PDSS1: variants seen among roughly 807,000 people sequenced by gnomAD.
PDSS1 encodes the protein all trans-polyprenyl-diphosphate synthase PDSS1.
A neutral mutation model predicts 57.5 loss-of-function variants in PDSS1; 43 were observed. The observed-to-expected ratio is 0.75, with a 90% CI of 0.59 to 0.96. PDSS1 has a LOEUF of 0.96. Ranked by LOEUF, PDSS1 falls within the 50% of genes least tolerant of loss-of-function variation. The pLI, the probability that PDSS1 is intolerant of heterozygous loss-of-function variation, is 0.00. For synonymous variants in PDSS1, 175 were observed against 191.3 expected, an observed-to-expected ratio of 0.91 and a Z score of 0.70; for missense variants, 438 against 527.8, an observed-to-expected ratio of 0.83 and a Z score of 1.67.
At chr10:26,721,411 G>A (rs76142099) in intron 6 of PDSS1, among the ~76,000 whole-genome samples, 8,190 of 105,538 alleles carry the variant, frequency 0.078, 340 homozygotes, top group East Asian at 0.24. Flanking sequence ...ATTAAAAGAA[G>A]AGATATATGT....
Position 26,746,525 on chromosome 10 carries a change from AT to A in PDSS1, c.*56del, listed in dbSNP as rs1836926223. On this transcript the variant is annotated 3_prime_UTR_variant, in exon 12 of 12. Coordinates refer to ENST00000376215, the MANE Select transcript of PDSS1 (RefSeq NM_014317.5). ...TATCTTACCAGACTGTGCCTAAAGA[AT>A]TTTGTGGAATACACTTTGTTTGCTT... 6.3e-7 allele frequency: 1 copy of A among 1,584,010 alleles called. No homozygotes were observed. The highest frequency in any genetic ancestry group is 1.3e-5 in the African/African-American group (1 of 74,322).
chr10:26,741,460 T>C (rs1836603008), intron 10 of PDSS1, among the ~76,000 whole-genome samples: 1 of 151,636 alleles, frequency 6.6e-6, no homozygotes, highest in Non-Finnish European at 1.5e-5. Flanking sequence ...CACTCCAGCC[T>C]GTGTGATGGA....
Position 26,724,436 on chromosome 10 carries a change from C to G in PDSS1, c.831+313C>G, listed in dbSNP as rs572742489. Reference sequence around the variant, plus strand: ...TTTTGAACAATTTATCATAATTTCTCTAATGATTGATATCACACACACTCT... The same window carrying G: ...TTTTGAACAATTTATCATAATTTCTGTAATGATTGATATCACACACACTCT... On this transcript the variant is annotated intron_variant, in intron 8 of 11. Transcript: ENST00000376215. 1.3e-3 allele frequency among the ~76,000 whole-genome samples: 193 copies of G among 152,186 alleles called. 1 individual carries two copies. Among genetic ancestry groups the G allele is most frequent in the Non-Finnish European group, 2.6e-3 (174 of 68,000 alleles).
At chr10:26,720,112 A>G (rs575056275) in intron 5 of PDSS1, 106 bp from the exon 6 acceptor site, 2 of 1,523,228 alleles carry the variant, frequency 1.3e-6, no homozygotes, top group South Asian at 2.3e-5. Context: ...TTTCTCTTAG[A>G]GAAATAACAT....
chr10:26,726,599 A>G (rs1835955174), intron 8 of PDSS1, among the ~76,000 whole-genome samples: 1 of 152,176 alleles, frequency 6.6e-6, no homozygotes, highest in Non-Finnish European at 1.5e-5. Context: ...ACAGAAGAAG[A>G]ACTAATGGGA....
chr10:26,725,613 AATCCTTTACATATT>A (rs1223382321), intron 8 of PDSS1, among the ~76,000 whole-genome samples: 2 of 152,174 alleles, frequency 1.3e-5, no homozygotes, highest in African/African-American at 4.8e-5. Context: ...CTTTTACAGT[AATCCTTTACATATT>A]ATCATGCCCT....
chr10:26,722,471 G>A (rs569630575), intron 6 of PDSS1, among the ~76,000 whole-genome samples: 5 of 152,212 alleles, frequency 3.3e-5, no homozygotes, highest in East Asian at 1.9e-4. Flanking sequence ...TTGGGAGGCC[G>A]AGGCAGTTGG....
Position 26,746,513 on chromosome 10 carries a change from T to C in PDSS1, c.*40T>C, listed in dbSNP as rs201474044. ...CTTTCTGGCAGCTATCTTACCAGAC[T>C]GTGCCTAAAGAATTTTGTGGAATAC... On this transcript the variant is annotated 3_prime_UTR_variant, in exon 12 of 12. Coordinates refer to ENST00000376215, the MANE Select transcript of PDSS1 (RefSeq NM_014317.5). 11 of 1,607,044 alleles carry C rather than the reference T, an allele frequency of 6.8e-6. No homozygotes were observed. The highest frequency in any genetic ancestry group is 3.3e-5 in the Admixed American group (2 of 60,020).
At position 26,742,482 on chromosome 10, in the gene PDSS1, C is replaced by A; in HGVS notation, c.1027-15C>A. On this transcript the variant is annotated splice_polypyrimidine_tract_variant and intron_variant, in intron 10 of 11. Coordinates refer to ENST00000376215, the MANE Select transcript of PDSS1 (RefSeq NM_014317.5). The stretch of plus-strand genomic sequence containing the variant: ...ATAAATAGATTTTCTCAGATTTTCT[C>A]TCTTTTTTTGTTAGTTCCCAGAAAT... 2 of 1,588,326 alleles carry A rather than the reference C, an allele frequency of 1.3e-6. No individual in the cohort carries two copies. Among genetic ancestry groups the A allele is most frequent in the Non-Finnish European group, 1.7e-6 (2 of 1,158,080 alleles).
In PDSS1 at chr10:26,746,792, A is replaced by C; in HGVS notation, c.*319A>C. ...ACACAAATAAATAACCAATGTTAAAATTCAAATGGTTTGTCTTGATTTACC... is the reference window on the plus strand; with the variant it reads ...ACACAAATAAATAACCAATGTTAAACTTCAAATGGTTTGTCTTGATTTACC... On this transcript the variant is annotated 3_prime_UTR_variant, in exon 12 of 12. Transcript: ENST00000376215. 2.5e-6 allele frequency: 1 copy of C among 406,894 alleles called. No individual in the cohort carries two copies. The highest frequency in any genetic ancestry group is 4.6e-6 in the Non-Finnish European group (1 of 217,822). The allele number at this position is 406,894 out of a possible 1,614,324, so 25.2% of individuals were successfully genotyped here.
At chr10:26,700,594 A>C (rs538278263) in intron 1 of PDSS1, among the ~76,000 whole-genome samples, 6 of 152,170 alleles carry the variant, frequency 3.9e-5, no homozygotes, top group African/African-American at 1.4e-4. Flanking sequence ...AGTTCTCACA[A>C]GATCTGCTGG....
At chr10:26,716,976 T>G (rs1227125470) in intron 5 of PDSS1, among the ~76,000 whole-genome samples, 1 of 152,180 alleles carries the variant, frequency 6.6e-6, no homozygotes. Context: ...AGTGTGAGGT[T>G]TTTCTGTAAT....
Position 26,724,318 on chromosome 10 carries a change from A to T in PDSS1, c.831+195A>T, listed in dbSNP as rs542321046. ...TTCATTTTTGCCATCTTCTTTTGGT[A>T]TGCAGGCGTTGACTTTTCATCTTTT... On this transcript the variant is annotated intron_variant, in intron 8 of 11. Coordinates refer to ENST00000376215, the MANE Select transcript of PDSS1 (RefSeq NM_014317.5). 2.0e-4 allele frequency among the ~76,000 whole-genome samples: 30 copies of T among 152,308 alleles called. No individual in the cohort carries two copies. The South Asian group carries it at 5.8e-3, about 29-fold the overall frequency.
chr10:26,723,457 A>G (rs990264360), intron 6 of PDSS1, among the ~76,000 whole-genome samples: 1 of 152,060 alleles, frequency 6.6e-6, no homozygotes, highest in African/African-American at 2.4e-5. Flanking sequence ...CTGAGAGCCA[A>G]TACAGTTCAA....
chr10:26,730,576 C>T (rs1318280619), intron 8 of PDSS1, among the ~76,000 whole-genome samples: 2 of 151,896 alleles, frequency 1.3e-5, no homozygotes, highest in African/African-American at 2.4e-5. Context: ...CACCACTGCA[C>T]TCCAGCCTGG....
At position 26,735,487 on chromosome 10, in the gene PDSS1, T is replaced by A. The variant is rs1280077774; in HGVS notation, c.934T>A (p.Phe312Ile). 1 of 1,612,680 alleles carries A rather than the reference T, an allele frequency of 6.2e-7. No homozygotes were observed. The highest frequency in any genetic ancestry group is 8.5e-7 in the Non-Finnish European group (1 of 1,178,648). Residue 312 changes from phenylalanine to isoleucine, a missense_variant, in exon 10 of 12, where the codon TTC becomes ATC. This residue lies in a region of PDSS1 where 284 missense variants were observed against 390.7 expected (regional missense o/e 0.73). Transcript: ENST00000376215. The part of the protein sequence containing the change: ...AFQLIDDVLD[F>I]TSCSDQMGKP... ...CCAGCTAATAGATGATGTATTGGAC[T>A]TCACCTCGTGTTCTGACCAGATGGG...
At chr10:26,699,688 C>T (rs1322141513) in intron 1 of PDSS1, among the ~76,000 whole-genome samples, 10 of 152,252 alleles carry the variant, frequency 6.6e-5, no homozygotes, top group South Asian at 2.1e-4. Context: ...TGAGCCACCA[C>T]GCCTGGCCTG....
At chr10:26,737,701 T>C (rs953257068) in intron 10 of PDSS1, among the ~76,000 whole-genome samples, 21 of 119,248 alleles carry the variant, frequency 1.8e-4, no homozygotes, top group African/African-American at 7.1e-4. Flanking sequence ...CCAGCCTGGG[T>C]GACAGAGTGA....
chr10:26,704,872 A>G lies in PDSS1; in HGVS notation c.227+131A>G. ...GGCTGGTCTTGAACTGCTGGCCTCA[A>G]GCTATCCTCCCACCCTCAGGTTCCC... On this transcript the variant is annotated intron_variant, in intron 3 of 11. Transcript: ENST00000376215. The G allele has an allele frequency of 6.0e-6, 4 of 661,406 alleles. No homozygotes were observed. In the East Asian group the frequency reaches 1.1e-4, roughly 19 times the overall value. 41.0% of individuals were successfully genotyped at this position (661,406 alleles called of 1,614,324 possible). A position where few individuals can be genotyped will look rare whatever the true frequency, so the allele number is the denominator to read the frequency against.
Sources: allele counts gnomAD v4.1 joint callset (sites outside exome capture counted in the v4.1 genomes callset), GRCh38; gene constraint gnomAD v4.1.1; regional missense constraint gnomAD v4.1.1; transcripts MANE v1.5; gene names NCBI Gene and HGNC (gene_info 2026-07-23, HGNC 2026-07-21).